The following CACHD1 variants were observed in gnomAD, a reference collection of about 807,000 sequenced individuals.
The protein encoded by CACHD1 is VWFA and cache domain-containing protein 1.
A neutral mutation model predicts 138.7 loss-of-function variants in CACHD1; 71 were observed. That is an observed-to-expected ratio of 0.51 (90% confidence interval 0.42 to 0.62). The LOEUF (loss-of-function observed/expected upper bound fraction) is 0.62, where lower values mean the gene tolerates loss of function less well. CACHD1 is among the 20% of genes least tolerant of loss of function. The pLI is 0.00. For synonymous variants in CACHD1, 578 were observed against 591.5 expected (o/e 0.98, Z 0.33); for missense variants, 1,389 against 1,625.3 (o/e 0.85, Z 2.50).
intron 22 of CACHD1, among the ~76,000 whole-genome samples, chr1:64,677,808 A>C (rs1650046285): frequency 6.6e-6 from 1 of 152,016 alleles, no homozygotes; most frequent in Non-Finnish European, 1.5e-5. Context: ...TATTTTTTTA[A>C]ATGACCCCAC....
chr1:64,619,318 G>A (rs11586792), intron 4 of CACHD1, among the ~76,000 whole-genome samples: 17,613 of 152,188 alleles, frequency 0.12, 1,080 homozygotes, highest in East Asian at 0.22. Flanking sequence ...TTTCAGCTGC[G>A]TATCTGACAA....
Position 64,630,463 on chromosome 1 carries a change from G to T in CACHD1, c.644+982G>T, listed in dbSNP as rs538176040. On this transcript the variant is annotated intron_variant, in intron 5 of 26. Coordinates refer to ENST00000651257, the MANE Select transcript of CACHD1 (RefSeq NM_020925.4). Reference sequence around the variant, plus strand: ...TTACAGGCACCCACCACCATGCCTGGCTAATTTTTGTATTTTTAGTAGAGA... The same window carrying T: ...TTACAGGCACCCACCACCATGCCTGTCTAATTTTTGTATTTTTAGTAGAGA... Among the ~76,000 whole-genome samples, 310 of 152,166 alleles carry T rather than the reference G, an allele frequency of 2.0e-3. 2 individuals are homozygous for T. The highest frequency in any genetic ancestry group is 7.1e-3 in the African/African-American group (296 of 41,542).
chr1:64,671,420 G>T, intron 16 of CACHD1, 144 bp from the exon 17 acceptor site: 2 of 828,332 alleles, frequency 2.4e-6, no homozygotes, highest in South Asian at 1.7e-5. Flanking sequence ...CAGTCACTTA[G>T]TTGATCATTT....
chr1:64,549,434 A>G (rs954662045), intron 1 of CACHD1, among the ~76,000 whole-genome samples: 2 of 152,128 alleles, frequency 1.3e-5, no homozygotes, highest in African/African-American at 4.8e-5. Flanking sequence ...GATTTGTAAT[A>G]ATTTTCCAGA....
chr1:64,671,716 C>G (rs1649823958), intron 17 of CACHD1, 30 bp downstream of exon 17: 2 of 1,613,308 alleles, frequency 1.2e-6, no homozygotes, highest in East Asian at 4.5e-5. Flanking sequence ...TATTTCCTTT[C>G]TAGCTGCAGT....
chr1:64,658,600 A>G, intron 12 of CACHD1, 105 bp from the exon 13 acceptor site: 1 of 725,842 alleles, frequency 1.4e-6, no homozygotes, highest in South Asian at 2.3e-5. Context: ...AATACCTTCC[A>G]CGTGAAGATA....
intron 3 of CACHD1, among the ~76,000 whole-genome samples, chr1:64,587,097 A>AT (rs1326573156): frequency 2.6e-5 from 4 of 151,898 alleles, no homozygotes; most frequent in African/African-American, 4.8e-5. Flanking sequence ...CCTTATGAAC[A>AT]TTTTTTTTAA....
At chr1:64,492,992 G>A (rs999753260) in intron 1 of CACHD1, among the ~76,000 whole-genome samples, 2 of 152,182 alleles carry the variant, frequency 1.3e-5, no homozygotes, top group Non-Finnish European at 2.9e-5. Context: ...CCCTCAGTAA[G>A]TGCTGAAGGA....
chr1:64,570,365 C>A (rs1336569264), intron 2 of CACHD1, among the ~76,000 whole-genome samples: 1 of 152,118 alleles, frequency 6.6e-6, no homozygotes, highest in Non-Finnish European at 1.5e-5. Context: ...AGGTAGGGAT[C>A]ATGTTGAAAT....
chr1:64,521,089 G>A (rs1646494894), intron 1 of CACHD1, among the ~76,000 whole-genome samples: 1 of 152,224 alleles, frequency 6.6e-6, no homozygotes, highest in Admixed American at 6.5e-5. Flanking sequence ...TCACTGGACT[G>A]AAATCAAGAT....
At chr1:64,503,293 A>G (rs1646350213) in intron 1 of CACHD1, among the ~76,000 whole-genome samples, 1 of 152,260 alleles carries the variant, frequency 6.6e-6, no homozygotes, top group African/African-American at 2.4e-5. Context: ...CTCCAAGGAC[A>G]TTGAAATTGA....
At chr1:64,541,021 C>T (rs1400368817) in intron 1 of CACHD1, among the ~76,000 whole-genome samples, 1 of 152,114 alleles carries the variant, frequency 6.6e-6, no homozygotes, top group African/African-American at 2.4e-5. Flanking sequence ...TGCACACGCA[C>T]ATACGAATAC....
chr1:64,654,685 G>A lies in CACHD1; in HGVS notation c.1665-1G>A. On this transcript the variant is annotated splice_acceptor_variant, in intron 11 of 26. Transcript: ENST00000651257. LOFTEE classifies it high-confidence loss of function. The stretch of plus-strand genomic sequence containing the variant: ...ATATTTAATTCTGTTTGCCAACACA[G>A]CCTCCCTCTGGGCAGCCAGATTATC... 2 of 1,604,042 alleles carry A rather than the reference G, an allele frequency of 1.2e-6. No individual in the cohort carries two copies. Among genetic ancestry groups the A allele is most frequent in the Non-Finnish European group, 1.7e-6 (2 of 1,171,826 alleles).
intron 1 of CACHD1, among the ~76,000 whole-genome samples, chr1:64,487,945 T>C (rs1202979292): frequency 1.3e-5 from 2 of 152,228 alleles, no homozygotes; most frequent in African/African-American, 4.8e-5. Context: ...GTTTTATAGA[T>C]AGAACTGGGT....
rs1553133841 is a variant in CACHD1, at chr1:64,566,486, C to CCCA, written c.262-15668_262-15667insACC. ...CCACTGTATGTTTTCAATTCCCCCC[C>CCCA]CCCCACAAGGTATGGGGGAAGTACT... On this transcript the variant is annotated intron_variant, in intron 2 of 26. Coordinates refer to ENST00000651257, the MANE Select transcript of CACHD1 (RefSeq NM_020925.4). Among the ~76,000 whole-genome samples, 12 of 143,628 alleles carry CCCA rather than the reference C, an allele frequency of 8.4e-5. No homozygotes were observed. In the East Asian group the frequency reaches 2.1e-3, roughly 25 times the overall value. 94.2% of individuals were successfully genotyped at this position (143,628 alleles called of 152,430 possible). A position where few individuals can be genotyped will look rare whatever the true frequency, so the allele number is the denominator to read the frequency against.
chr1:64,635,076 C>A (rs1648471583), intron 7 of CACHD1, among the ~76,000 whole-genome samples: 1 of 147,398 alleles, frequency 6.8e-6, no homozygotes, highest in East Asian at 2.1e-4. Flanking sequence ...AGAGTGTTAA[C>A]TGCGTTTTTC....
chr1:64,561,319 A>C (rs879366386), intron 2 of CACHD1, among the ~76,000 whole-genome samples: 11 of 152,090 alleles, frequency 7.2e-5, no homozygotes, highest in African/African-American at 1.2e-4. Context: ...TATCTATTAC[A>C]TCTGCGTATA....
chr1:64,546,293 C>T (rs1646717663), intron 1 of CACHD1, among the ~76,000 whole-genome samples: 1 of 152,036 alleles, frequency 6.6e-6, no homozygotes, highest in Non-Finnish European at 1.5e-5. Context: ...AGGATCAGAC[C>T]TGTCATGATG....
At chr1:64,663,871 CCCCCTCCACA>C (rs1649535487) in intron 14 of CACHD1, 34 bp downstream of exon 14, 1 of 1,613,040 alleles carries the variant, frequency 6.2e-7, no homozygotes, top group African/African-American at 1.3e-5. Flanking sequence ...TTTCTGGTGT[CCCCCTCCACA>C]GGCCCAGCAG....
Sources: gnomAD v4.1 joint callset for allele counts (sites outside exome capture counted in the v4.1 genomes callset) on GRCh38, gnomAD v4.1.1 for gene constraint, MANE v1.5 for transcripts, NCBI Gene and HGNC (gene_info 2026-07-23, HGNC 2026-07-21) for gene names.